Variants in SH2D4B observed in about 807,000 individuals in gnomAD.
SH2D4B encodes the protein SH2 domain-containing protein 4B.
In SH2D4B, 45 loss-of-function variants were observed where a neutral mutation model predicts 61.5. The observed-to-expected ratio is 0.73, with a 90% confidence interval of 0.58 to 0.94. SH2D4B has a LOEUF of 0.94. Among genes scored for constraint, SH2D4B ranks in the 40% least tolerant of loss-of-function variants. The pLI, the probability that SH2D4B is intolerant of heterozygous loss-of-function variation, is 0.00. For synonymous variants in SH2D4B, 224 were observed against 220.4 expected, an observed-to-expected ratio of 1.02 and a Z score of -0.14; for missense variants, 572 against 574.2, an observed-to-expected ratio of 1.00 and a Z score of 0.04.
intron 1 of SH2D4B, among the ~76,000 whole-genome samples, chr10:80,544,540 C>T (rs944444080): frequency 1.3e-5 from 2 of 152,250 alleles, no homozygotes; most frequent in African/African-American, 2.4e-5. Flanking sequence ...TTCCTGGGCC[C>T]GTCCAGTAGC....
chr10:80,594,141 C>A (rs531153843), intron 4 of SH2D4B, among the ~76,000 whole-genome samples: 1 of 152,196 alleles, frequency 6.6e-6, no homozygotes, highest in South Asian at 2.1e-4. Flanking sequence ...TCATACATAA[C>A]CTTGGGTTCA....
chr10:80,562,894 CTTTTTT>C (rs34539206), intron 1 of SH2D4B, among the ~76,000 whole-genome samples: 1 of 74,698 alleles, frequency 1.3e-5, no homozygotes, highest in Non-Finnish European at 2.4e-5. Context: ...AACATTTTTT[CTTTTTT>C]TTTTTTTTTT....
intron 1 of SH2D4B, among the ~76,000 whole-genome samples, chr10:80,555,710 A>G (rs1841825429): frequency 6.6e-6 from 1 of 152,166 alleles, no homozygotes. Context: ...AAGCTTTCCT[A>G]GTTTTAAAAC....
intron 4 of SH2D4B, among the ~76,000 whole-genome samples, chr10:80,590,001 CA>C (rs1280128759): frequency 2.6e-5 from 4 of 152,104 alleles, no homozygotes; most frequent in African/African-American, 9.7e-5. Flanking sequence ...CATGCAGGCC[CA>C]GAAATGACAC....
In SH2D4B at chr10:80,538,912, T is replaced by C. The variant is rs1200081912; in HGVS notation, c.184+397T>C. 2.0e-5 allele frequency among the ~76,000 whole-genome samples: 3 copies of C among 152,166 alleles called. No homozygotes were observed. Among genetic ancestry groups the C allele is most frequent in the Admixed American group, 6.5e-5 (1 of 15,286 alleles). On this transcript the variant is annotated intron_variant, in intron 1 of 7. Transcript: ENST00000646907. This position sits in a 1 kb window ranked among gnomAD's most constrained non-coding sequence, Gnocchi z 4.8. The stretch of plus-strand genomic sequence containing the variant: ...TCTGGGCCAGAGTGTGGTGTAGATA[T>C]GCAGTTCCTTTCTCCTTGGCATGCG...
chr10:80,569,395 C>G (rs1445683817), intron 1 of SH2D4B, among the ~76,000 whole-genome samples: 1 of 152,056 alleles, frequency 6.6e-6, no homozygotes, highest in Non-Finnish European at 1.5e-5. Context: ...AACACAACAG[C>G]CAATAAGTTG....
intron 6 of SH2D4B, among the ~76,000 whole-genome samples, chr10:80,624,337 C>G (rs543181851): frequency 3.9e-5 from 6 of 152,346 alleles, no homozygotes; most frequent in African/African-American, 1.2e-4. Context: ...TTAAGGACAG[C>G]TCCTCCAGTT....
intron 3 of SH2D4B, among the ~76,000 whole-genome samples, chr10:80,587,381 G>A (rs777958563): frequency 1.1e-4 from 16 of 151,986 alleles, no homozygotes; most frequent in Non-Finnish European, 2.2e-4. Context: ...TCCGGTTCAA[G>A]CGATTCTCCT....
chr10:80,557,853 C>G (rs1013711956), intron 1 of SH2D4B, among the ~76,000 whole-genome samples: 1 of 151,924 alleles, frequency 6.6e-6, no homozygotes, highest in South Asian at 2.1e-4. Context: ...CTACCATTAT[C>G]TTTATTATTT....
chr10:80,563,701 AC>A (rs1160636930), intron 1 of SH2D4B, among the ~76,000 whole-genome samples: 1 of 152,210 alleles, frequency 6.6e-6, no homozygotes, highest in Non-Finnish European at 1.5e-5. Context: ...ATAACCCACA[AC>A]AACAGAAGCT....
chr10:80,634,247 C>G, intron 6 of SH2D4B, 38 bp from the exon 7 acceptor site: 2 of 1,480,818 alleles, frequency 1.4e-6, no homozygotes, highest in South Asian at 1.4e-5. Context: ...AGTCGCAGAA[C>G]CTGCTGTGTT....
Position 80,570,312 on chromosome 10 carries a change from C to A in SH2D4B, c.343C>A (p.Leu115Ile). 6.2e-7 allele frequency: 1 copy of A among 1,612,688 alleles called. No individual in the cohort carries two copies. The highest frequency in any genetic ancestry group is 8.5e-7 in the Non-Finnish European group (1 of 1,179,866). Reference protein sequence around the residue: ...RLQAQREAEELWRQKEAEITK... With the variant: ...RLQAQREAEEIWRQKEAEITK... ...GCAGGCACAGAGGGAAGCTGAGGAGCTCTGGTGAGGGGTGCTATGGGGTGT... is the reference window on the plus strand; with the variant it reads ...GCAGGCACAGAGGGAAGCTGAGGAGATCTGGTGAGGGGTGCTATGGGGTGT... Residue 115 changes from leucine (L) to isoleucine (I), a missense_variant, in exon 2 of 8, where the codon CTC becomes ATC. Physicochemically the swap from Leu to Ile is conservative, Grantham distance 5. Transcript: ENST00000646907.
intron 6 of SH2D4B, among the ~76,000 whole-genome samples, chr10:80,614,196 G>A (rs1842633539): frequency 6.6e-6 from 1 of 152,200 alleles, no homozygotes; most frequent in South Asian, 2.1e-4. Context: ...AAGAAAAGTG[G>A]TTTAATTGAC....
intron 1 of SH2D4B, among the ~76,000 whole-genome samples, chr10:80,543,409 G>A (rs1442064729): frequency 6.6e-6 from 1 of 152,178 alleles, no homozygotes; most frequent in Non-Finnish European, 1.5e-5. Context: ...GCCAGCAGCT[G>A]CTGTGCTCAA....
intron 4 of SH2D4B, among the ~76,000 whole-genome samples, chr10:80,600,520 CATGTGTGTGTGT>C (rs1317280806): frequency 1.5e-5 from 2 of 133,610 alleles, no homozygotes; most frequent in Non-Finnish European, 1.6e-5. Context: ...TGCAGAGTGG[CATGTGTGTGTGT>C]GTGTGTGTGT....
Position 80,588,812 on chromosome 10 carries a change from G to C in SH2D4B, c.643+35G>C, listed in dbSNP as rs199717333. 2,948 of 1,610,830 alleles carry C rather than the reference G, an allele frequency of 1.8e-3. 3 individuals carry two copies. Among genetic ancestry groups the C allele is most frequent in the Non-Finnish European group, 2.3e-3 (2,740 of 1,178,508 alleles). On this transcript the variant is annotated intron_variant, in intron 4 of 7. Transcript: ENST00000646907. ...GCTTGTGCCTCAGGCAGGGAGACCAGTCCCGCCTCCCCACCCACCTCCTCC... is the reference window on the plus strand; with the variant it reads ...GCTTGTGCCTCAGGCAGGGAGACCACTCCCGCCTCCCCACCCACCTCCTCC...
chr10:80,634,940 A>C (rs1424003277), intron 7 of SH2D4B, among the ~76,000 whole-genome samples: 6 of 152,186 alleles, frequency 3.9e-5, no homozygotes, highest in Non-Finnish European at 4.4e-5. Context: ...TGATTAGAGA[A>C]GCTTTTCTAG....
chr10:80,569,075 C>T (rs1842006206), intron 1 of SH2D4B, among the ~76,000 whole-genome samples: 2 of 152,174 alleles, frequency 1.3e-5, no homozygotes, highest in Admixed American at 6.5e-5. Context: ...TTATTTTAAT[C>T]CTGTAATCAG....
At chr10:80,591,111 G>T (rs1028848898) in intron 4 of SH2D4B, among the ~76,000 whole-genome samples, 10 of 151,680 alleles carry the variant, frequency 6.6e-5, no homozygotes, top group African/African-American at 2.4e-4. Context: ...TCTAATGTAC[G>T]CATATACCAC....
Sources: allele counts gnomAD v4.1 joint callset (sites outside exome capture counted in the v4.1 genomes callset), GRCh38; gene constraint gnomAD v4.1.1; non-coding constraint Gnocchi (gnomAD v3.1); transcripts MANE v1.5; gene names NCBI Gene and HGNC (gene_info 2026-07-23, HGNC 2026-07-21).